Variants in SNTG1 observed in about 807,000 individuals in gnomAD.
SNTG1 encodes gamma-1-syntrophin.
A neutral mutation model predicts 74.7 loss-of-function variants in SNTG1; 39 were observed. The ratio of observed to expected loss-of-function variants is 0.52; its 90% CI spans 0.40 to 0.68. SNTG1 has a LOEUF of 0.68. SNTG1 is among the 30% of genes least tolerant of loss of function. The pLI is 0.00. For synonymous variants in SNTG1, 254 were observed against 217.1 expected, an observed-to-expected ratio of 1.17 and a Z score of -1.49; for missense variants, 685 against 609.5, an observed-to-expected ratio of 1.12 and a Z score of -1.30.
At chr8:50,021,626 A>T (rs1190920055) in intron 1 of SNTG1, among the ~76,000 whole-genome samples, 1 of 152,060 alleles carries the variant, frequency 6.6e-6, no homozygotes, top group Non-Finnish European at 1.5e-5. Context: ...AATAACCCTT[A>T]TCAAGCATCT....
chr8:50,277,339 G>A (rs2088176592), intron 2 of SNTG1, among the ~76,000 whole-genome samples: 1 of 149,684 alleles, frequency 6.7e-6, no homozygotes, highest in African/African-American at 2.5e-5. Context: ...ATAATATAAT[G>A]AATAAATCTA....
In SNTG1 at chr8:50,795,938, A is replaced by T. The variant is rs2131886890; in HGVS notation, c.*3109A>T. The T allele has an allele frequency of 6.6e-6, 1 of 152,180 alleles. No homozygotes were observed. The allele number at this position is 152,180 out of a possible 1,614,324, so 9.4% of individuals were successfully genotyped here. On this transcript the variant is annotated 3_prime_UTR_variant, in exon 19 of 19. Transcript: ENST00000642720. ...TATTTCAGGCATGTACCAACTTATA[A>T]TTTTGAAATCTTCGCTCATAAAGCT...
chr8:50,263,274 A>T (rs2087288251), intron 2 of SNTG1, among the ~76,000 whole-genome samples: 1 of 152,174 alleles, frequency 6.6e-6, no homozygotes, highest in Non-Finnish European at 1.5e-5. Flanking sequence ...TAAAGTCTTT[A>T]AAGAAGATAT....
At chr8:50,270,621 C>A (rs1274771383) in intron 2 of SNTG1, among the ~76,000 whole-genome samples, 2 of 152,080 alleles carry the variant, frequency 1.3e-5, no homozygotes, top group African/African-American at 2.4e-5. Flanking sequence ...CCTGTGAAGT[C>A]AATGAGGGAA....
intron 17 of SNTG1, among the ~76,000 whole-genome samples, chr8:50,740,234 C>T (rs28857194): frequency 1.3e-5 from 2 of 151,194 alleles, no homozygotes; most frequent in Non-Finnish European, 2.9e-5. Flanking sequence ...TGACAAAGGT[C>T]TAATATCCAG....
chr8:50,717,009 T>G (rs1196897559), intron 17 of SNTG1, among the ~76,000 whole-genome samples: 2 of 152,160 alleles, frequency 1.3e-5, no homozygotes, highest in Non-Finnish European at 2.9e-5. Flanking sequence ...ATGCTGGGAT[T>G]ACAGGCGTGA....
At chr8:50,230,633 C>CA (rs2085569104) in intron 2 of SNTG1, among the ~76,000 whole-genome samples, 1 of 151,050 alleles carries the variant, frequency 6.6e-6, no homozygotes, top group Non-Finnish European at 1.5e-5. Context: ...CATTTAAGAG[C>CA]AAAAATACAA....
intron 1 of SNTG1, 86 bp from the exon 2 acceptor site, chr8:50,172,475 A>G (rs902396923): frequency 6.6e-6 from 1 of 152,174 alleles, no homozygotes; most frequent in Non-Finnish European, 1.5e-5. Context: ...CCTCATGGGT[A>G]AAGTAGATAC....
intron 1 of SNTG1, among the ~76,000 whole-genome samples, chr8:50,039,957 C>T (rs1029036597): frequency 6.6e-6 from 1 of 152,146 alleles, no homozygotes; most frequent in Non-Finnish European, 1.5e-5. Flanking sequence ...TGATGTCGAG[C>T]TCTCTGTGTG....
At chr8:50,581,966 T>A (rs1302540233) in intron 12 of SNTG1, among the ~76,000 whole-genome samples, 1 of 152,176 alleles carries the variant, frequency 6.6e-6, no homozygotes, top group Non-Finnish European at 1.5e-5. Flanking sequence ...AAATTTCTTG[T>A]GGAGTTTTAG....
intron 1 of SNTG1, among the ~76,000 whole-genome samples, chr8:49,983,435 A>G (rs1005113866): frequency 2.0e-5 from 3 of 152,206 alleles, no homozygotes; most frequent in Non-Finnish European, 4.4e-5. Flanking sequence ...CAGTCTTTAA[A>G]CATAAATAAT....
At chr8:50,208,782 C>T (rs1371550465) in intron 2 of SNTG1, among the ~76,000 whole-genome samples, 3 of 151,962 alleles carry the variant, frequency 2.0e-5, no homozygotes, top group Admixed American at 6.6e-5. Flanking sequence ...CTCAGCATTT[C>T]CAAGATGGCC....
At chr8:50,689,835 C>T (rs1335711202) in intron 15 of SNTG1, among the ~76,000 whole-genome samples, 1 of 152,184 alleles carries the variant, frequency 6.6e-6, no homozygotes, top group Non-Finnish European at 1.5e-5. Context: ...ACCAGCTCCT[C>T]TTTGTACCTC....
chr8:50,708,885 G>T lies in SNTG1; in HGVS notation c.1192-1G>T. The T allele has an allele frequency of 6.2e-7, 1 of 1,607,654 alleles. No individual in the cohort carries two copies. Among genetic ancestry groups the T allele is most frequent in the Non-Finnish European group, 8.5e-7 (1 of 1,174,476 alleles). ...GTAACAATACTTTCTGTTCTACCTA[G>T]TGCAAGACCTATGCATGTGTGCTAG... On this transcript the variant is annotated splice_acceptor_variant, in intron 16 of 18. Coordinates refer to ENST00000642720, the MANE Select transcript of SNTG1 (RefSeq NM_018967.5). LOFTEE classifies it high-confidence loss of function.
chr8:50,059,896 TTAAC>T (rs1168037027), intron 1 of SNTG1, among the ~76,000 whole-genome samples: 1 of 152,124 alleles, frequency 6.6e-6, no homozygotes, highest in Non-Finnish European at 1.5e-5. Context: ...AACTCTATCT[TTAAC>T]TACTTGAAGA....
chr8:50,054,827 A>G (rs752071295), intron 1 of SNTG1, among the ~76,000 whole-genome samples: 1 of 152,072 alleles, frequency 6.6e-6, no homozygotes, highest in Non-Finnish European at 1.5e-5. Context: ...GTGCACCACC[A>G]TGCCCAGCTA....
chr8:49,936,852 C>A (rs1808125566), intron 1 of SNTG1, among the ~76,000 whole-genome samples: 1 of 152,120 alleles, frequency 6.6e-6, no homozygotes, highest in Non-Finnish European at 1.5e-5. Context: ...AGATGAACTT[C>A]AAAACAGTTA....
At chr8:50,205,941 A>C (rs2084210332) in intron 2 of SNTG1, among the ~76,000 whole-genome samples, 5 of 152,146 alleles carry the variant, frequency 3.3e-5, no homozygotes, top group Admixed American at 2.6e-4. Flanking sequence ...CTGTTTTGGT[A>C]CCAGTACCAT....
chr8:50,151,924 G>C lies in SNTG1; in HGVS notation c.-102-20637G>C, dbSNP rs1479967008. ...GGAGAGTTCCATAGATATCTATTAGGTCAGCTTGGTGCCGAGCTGAGTTCA... is the reference window on the plus strand; with the variant it reads ...GGAGAGTTCCATAGATATCTATTAGCTCAGCTTGGTGCCGAGCTGAGTTCA... On this transcript the variant is annotated intron_variant, in intron 1 of 18. Coordinates refer to ENST00000642720, the MANE Select transcript of SNTG1 (RefSeq NM_018967.5). Among the ~76,000 whole-genome samples, 4 of 152,248 alleles carry C rather than the reference G, an allele frequency of 2.6e-5. No individual in the cohort carries two copies. The East Asian group carries it at 7.7e-4, about 29-fold the overall frequency.
Sources: allele counts gnomAD v4.1 joint callset (sites outside exome capture counted in the v4.1 genomes callset), GRCh38; gene constraint gnomAD v4.1.1; transcripts MANE v1.5; gene names NCBI Gene and HGNC (gene_info 2026-07-23, HGNC 2026-07-21).